NTM: variants seen among roughly 807,000 people sequenced by gnomAD.
NTM encodes the protein IgLON family member 2.
A neutral mutation model predicts 42.1 loss-of-function variants in NTM; 13 were observed. That is an observed-to-expected ratio of 0.31 (90% CI 0.20 to 0.49). The LOEUF (loss-of-function observed/expected upper bound fraction) is 0.49. Among genes scored for constraint, NTM ranks in the 20% least tolerant of loss-of-function variants. NTM has a pLI of 0.99. For synonymous variants in NTM, 187 were observed against 179.2 expected, an observed-to-expected ratio of 1.04 and a Z score of -0.35; for missense variants, 373 against 452.8, an observed-to-expected ratio of 0.82 and a Z score of 1.60.
chr11:131,872,027 A>G (rs1268878335), intron 1 of NTM, among the ~76,000 whole-genome samples: 1 of 152,192 alleles, frequency 6.6e-6, no homozygotes, highest in Non-Finnish European at 1.5e-5. Flanking sequence ...CTCCCTTGCC[A>G]CATTCAGGAG....
intron 2 of NTM, among the ~76,000 whole-genome samples, chr11:132,046,377 A>T (rs1329289081): frequency 6.9e-6 from 1 of 145,084 alleles, no homozygotes. Flanking sequence ...TAAATAAGAA[A>T]AAGGAAAAGA....
chr11:132,332,529 T>C (rs1332208843), intron 8 of NTM: 1 of 151,824 alleles, frequency 6.6e-6, no homozygotes, highest in Non-Finnish European at 1.5e-5. Context: ...AACAAACAGG[T>C]GAGGACACGA....
intron 2 of NTM, among the ~76,000 whole-genome samples, chr11:132,028,830 C>A (rs916026484): frequency 6.6e-6 from 1 of 152,078 alleles, no homozygotes; most frequent in Non-Finnish European, 1.5e-5. Context: ...TTGCTCTCCC[C>A]CTGCTGGATG....
intron 1 of NTM, among the ~76,000 whole-genome samples, chr11:131,606,557 T>C (rs1429940809): frequency 2.0e-5 from 3 of 151,564 alleles, no homozygotes; most frequent in African/African-American, 7.3e-5. Context: ...GTTTGGAAAA[T>C]AGTAGAAAAA....
At chr11:131,976,946 G>T (rs571755621) in intron 2 of NTM, among the ~76,000 whole-genome samples, 1 of 152,298 alleles carries the variant, frequency 6.6e-6, no homozygotes, top group East Asian at 1.9e-4. Flanking sequence ...ATATCGGTGT[G>T]TGTGGGTAGT....
At chr11:131,914,977 T>G (rs966118037) in intron 2 of NTM, among the ~76,000 whole-genome samples, 3 of 152,170 alleles carry the variant, frequency 2.0e-5, no homozygotes, top group African/African-American at 2.4e-5. Context: ...TTTACATGCT[T>G]TGATGAAGGT....
At chr11:131,887,036 C>T (rs1476771977) in intron 1 of NTM, among the ~76,000 whole-genome samples, 2 of 152,094 alleles carry the variant, frequency 1.3e-5, no homozygotes, top group Non-Finnish European at 2.9e-5. Flanking sequence ...GCTCTAAAGC[C>T]CCTGATGAAT....
chr11:131,580,299 A>C (rs2058290925), intron 1 of NTM, among the ~76,000 whole-genome samples: 2 of 151,988 alleles, frequency 1.3e-5, no homozygotes, highest in African/African-American at 4.8e-5. Context: ...TTCAGGCATA[A>C]CTCTCATATA....
intron 2 of NTM, among the ~76,000 whole-genome samples, chr11:132,048,909 C>T (rs947565985): frequency 6.7e-6 from 1 of 149,054 alleles, no homozygotes; most frequent in African/African-American, 2.5e-5. Flanking sequence ...TGGATCGGGG[C>T]TTCTGAAGAG....
chr11:132,049,935 G>T (rs999213791), intron 2 of NTM, among the ~76,000 whole-genome samples: 1 of 152,108 alleles, frequency 6.6e-6, no homozygotes, highest in Non-Finnish European at 1.5e-5. Flanking sequence ...AACAGTTTTT[G>T]ATACACAAAG....
chr11:131,406,107 TATTA>T, intron 1 of NTM, among the ~76,000 whole-genome samples: 1 of 152,338 alleles, frequency 6.6e-6, no homozygotes, highest in East Asian at 1.9e-4. Flanking sequence ...CCAACTAAGG[TATTA>T]ATTCAAAATG....
chr11:132,270,647 A>T (rs924223896), intron 4 of NTM, among the ~76,000 whole-genome samples: 12 of 139,910 alleles, frequency 8.6e-5, no homozygotes, highest in South Asian at 5.2e-4. Context: ...TTATAAATTT[A>T]TTTTTATTTT....
intron 1 of NTM, among the ~76,000 whole-genome samples, chr11:131,799,981 T>C (rs773744170): frequency 4.6e-5 from 7 of 152,128 alleles, no homozygotes; most frequent in Non-Finnish European, 7.3e-5. Context: ...GGGGAAACAG[T>C]AGCCATCCCT....
At chr11:131,930,405 C>T (rs948436187) in intron 2 of NTM, among the ~76,000 whole-genome samples, 4 of 152,124 alleles carry the variant, frequency 2.6e-5, no homozygotes, top group African/African-American at 4.8e-5. Flanking sequence ...GCCCTGCACT[C>T]GGCAAATGTT....
At chr11:131,959,302 C>T (rs1160669142) in intron 2 of NTM, among the ~76,000 whole-genome samples, 1 of 152,128 alleles carries the variant, frequency 6.6e-6, no homozygotes, top group African/African-American at 2.4e-5. Context: ...CCATTTCTGT[C>T]TTAAAGTTCT....
At chr11:132,127,067 C>T (rs2065958683) in intron 2 of NTM, among the ~76,000 whole-genome samples, 1 of 152,130 alleles carries the variant, frequency 6.6e-6, no homozygotes, top group Non-Finnish European at 1.5e-5. Flanking sequence ...CTTTGCTTTT[C>T]TGGTGCGTTC....
chr11:132,153,180 G>A (rs2072372924), intron 3 of NTM, among the ~76,000 whole-genome samples: 2 of 152,324 alleles, frequency 1.3e-5, no homozygotes, highest in Non-Finnish European at 2.9e-5. Context: ...CGGCCTCAGA[G>A]TCTAACACCA....
intron 1 of NTM, among the ~76,000 whole-genome samples, chr11:131,842,313 A>G (rs1161643985): frequency 6.6e-6 from 1 of 152,176 alleles, no homozygotes. Flanking sequence ...TTTGGATTAT[A>G]AGGGTCTGAA....
chr11:131,741,922 C>A (rs1387059056), intron 1 of NTM, among the ~76,000 whole-genome samples: 2 of 152,114 alleles, frequency 1.3e-5, no homozygotes, highest in Non-Finnish European at 2.9e-5. Context: ...ATGTCCTTTG[C>A]CGGACCATCA....
Sources: gnomAD v4.1 joint callset for allele counts (sites outside exome capture counted in the v4.1 genomes callset) on GRCh38, gnomAD v4.1.1 for gene constraint, MANE v1.5 for transcripts, NCBI Gene and HGNC (gene_info 2026-07-23, HGNC 2026-07-21) for gene names.